Variants in PPP1R14C observed in about 807,000 individuals in gnomAD.
PPP1R14C encodes protein phosphatase 1 regulatory subunit 14C.
A neutral mutation model predicts 20.4 loss-of-function variants in PPP1R14C; 16 were observed. The ratio of observed to expected loss-of-function variants is 0.78; its 90% confidence interval spans 0.53 to 1.19. PPP1R14C has a LOEUF of 1.19. Ranked by LOEUF, PPP1R14C falls within the 50% of genes most tolerant of loss-of-function variation. The pLI, the probability that PPP1R14C is intolerant of heterozygous loss-of-function variation, is 0.00. For missense variants in PPP1R14C, 211 were observed against 220.1 expected (o/e 0.96, Z 0.26); for synonymous variants, 91 against 91.0 (o/e 1.00, Z 0.00).
At chr6:150,221,913 C>T (rs1462008661) in intron 3 of PPP1R14C, among the ~76,000 whole-genome samples, 3 of 152,174 alleles carry the variant, frequency 2.0e-5, no homozygotes, top group Non-Finnish European at 2.9e-5. Context: ...ATCCTCCTGC[C>T]TCAGCCCCCC....
At chr6:150,170,559 T>C (rs1777486602) in intron 1 of PPP1R14C, among the ~76,000 whole-genome samples, 2 of 152,116 alleles carry the variant, frequency 1.3e-5, no homozygotes, top group African/African-American at 4.8e-5. Flanking sequence ...CCTGACCTCG[T>C]GATCCGCCCG....
intron 1 of PPP1R14C, among the ~76,000 whole-genome samples, chr6:150,186,239 C>T (rs1409608304): frequency 6.6e-6 from 1 of 152,194 alleles, no homozygotes; most frequent in Non-Finnish European, 1.5e-5. Context: ...GCTTAGCAAA[C>T]AGGCGGTTCC....
chr6:150,174,176 T>C (rs1777531613), intron 1 of PPP1R14C, among the ~76,000 whole-genome samples: 1 of 152,182 alleles, frequency 6.6e-6, no homozygotes, highest in South Asian at 2.1e-4. Context: ...ATTTTCTAAA[T>C]TGTGAGAACA....
At chr6:150,197,963 G>T (rs112400650) in intron 1 of PPP1R14C, among the ~76,000 whole-genome samples, 12 of 77,002 alleles carry the variant, frequency 1.6e-4, no homozygotes, top group Middle Eastern at 9.6e-3. Flanking sequence ...GCCCCTGCCC[G>T]TCACGGTGGA....
intron 1 of PPP1R14C, among the ~76,000 whole-genome samples, chr6:150,173,648 A>G (rs1465959395): frequency 1.3e-5 from 2 of 152,118 alleles, no homozygotes; most frequent in Non-Finnish European, 2.9e-5. Context: ...TCTGTTTAAT[A>G]CCTGAGGATG....
At chr6:150,204,267 T>G (rs887043942) in intron 1 of PPP1R14C, among the ~76,000 whole-genome samples, 19 of 152,356 alleles carry the variant, frequency 1.2e-4, no homozygotes, top group African/African-American at 4.6e-4. Context: ...CCTGCCGACT[T>G]TCTCGTCACG....
chr6:150,143,545 CTG>C lies in PPP1R14C; in HGVS notation c.306+50_306+51del. 2.3e-6 allele frequency: 3 copies of C among 1,320,594 alleles called. No individual in the cohort carries two copies. The highest frequency in any genetic ancestry group is 3.1e-6 in the Non-Finnish European group (3 of 958,006). 81.8% of individuals were successfully genotyped at this position (1,320,594 alleles called of 1,614,324 possible). On this transcript the variant is annotated intron_variant, in intron 1 of 3. Transcript: ENST00000361131. This position sits in a 1 kb window ranked among gnomAD's most constrained non-coding sequence, Gnocchi z 5.6. ...AGGGTCGGGGACCTCTCTAGCTCCT[CTG>C]TGCCCGCGCAGTAATTTTCCCGGGC...
intron 3 of PPP1R14C, among the ~76,000 whole-genome samples, chr6:150,247,359 A>G (rs562024103): frequency 6.6e-6 from 1 of 152,218 alleles, no homozygotes; most frequent in Admixed American, 6.5e-5. Context: ...AAACAGGAAG[A>G]CCAGGTAGTT....
At chr6:150,216,221 C>T (rs1180341841) in intron 2 of PPP1R14C, among the ~76,000 whole-genome samples, 4 of 152,132 alleles carry the variant, frequency 2.6e-5, no homozygotes. Context: ...AGGGGCTGGG[C>T]ATGGTAGCTC....
chr6:150,248,941 CT>C lies in PPP1R14C; in HGVS notation c.*127del. The stretch of plus-strand genomic sequence containing the variant: ...ACAACGTTTTTGTTTTTTTTTTTTT[CT>C]TTTTTGGTGTGAAGGTGGGGGGGTC... On this transcript the variant is annotated 3_prime_UTR_variant, in exon 4 of 4. Transcript: ENST00000361131. 2.0e-6 allele frequency: 1 copy of C among 497,010 alleles called. No homozygotes were observed. Among genetic ancestry groups the C allele is most frequent in the Middle Eastern group, 3.7e-4 (1 of 2,668 alleles). The allele number at this position is 497,010 out of a possible 1,614,324, so 30.8% of individuals were successfully genotyped here.
rs1216752378 is a variant in PPP1R14C, at chr6:150,207,071, G to T, written c.307-7673G>T. Among the ~76,000 whole-genome samples the T allele has an allele frequency of 2.0e-5, 3 of 152,034 alleles. No individual in the cohort carries two copies. In the East Asian group the frequency reaches 5.8e-4, roughly 29 times the overall value. The stretch of plus-strand genomic sequence containing the variant: ...GTAGAGACAGGGTTTCAACACGTTG[G>T]TCAGGCTGTTCTTGAGCTCCAGACC... On this transcript the variant is annotated intron_variant, in intron 1 of 3. Transcript: ENST00000361131.
intron 1 of PPP1R14C, among the ~76,000 whole-genome samples, chr6:150,191,491 A>C (rs184227574): frequency 6.6e-6 from 1 of 152,324 alleles, no homozygotes; most frequent in East Asian, 1.9e-4. Flanking sequence ...CAAGTACATC[A>C]GATGTGTGTA....
At chr6:150,144,959 C>T (rs1017959167) in intron 1 of PPP1R14C, among the ~76,000 whole-genome samples, 8 of 151,968 alleles carry the variant, frequency 5.3e-5, no homozygotes, top group African/African-American at 7.2e-5. Flanking sequence ...TCAGTCCTGC[C>T]TCTGTAGAAT....
At chr6:150,240,878 C>T (rs1405789322) in intron 3 of PPP1R14C, among the ~76,000 whole-genome samples, 2 of 152,198 alleles carry the variant, frequency 1.3e-5, no homozygotes, top group Admixed American at 6.5e-5. Context: ...TGCTCCAGGT[C>T]CTTGGCACAG....
chr6:150,248,675 A>T, intron 3 of PPP1R14C, 71 bp from the exon 4 acceptor site: 1 of 1,039,668 alleles, frequency 9.6e-7, no homozygotes, highest in Non-Finnish European at 1.5e-6. Context: ...GACATCAATT[A>T]CTTTAAGCAG....
intron 1 of PPP1R14C, among the ~76,000 whole-genome samples, chr6:150,204,280 G>A (rs186384372): frequency 1.1e-3 from 163 of 152,304 alleles, no homozygotes; most frequent in African/African-American, 3.6e-3. Context: ...TCGTCACGGG[G>A]GCATTGTTAA....
chr6:150,175,856 T>C (rs1008674368), intron 1 of PPP1R14C, among the ~76,000 whole-genome samples: 1 of 152,238 alleles, frequency 6.6e-6, no homozygotes, highest in African/African-American at 2.4e-5. Context: ...AAATGCAGTT[T>C]GAACCACAAG....
intron 3 of PPP1R14C, among the ~76,000 whole-genome samples, chr6:150,229,178 A>G (rs1420816268): frequency 2.0e-5 from 3 of 152,242 alleles, no homozygotes; most frequent in Admixed American, 2.0e-4. Flanking sequence ...GATAGTTATA[A>G]TCAAAAGTCC....
chr6:150,166,372 G>A (rs1048687146), intron 1 of PPP1R14C, among the ~76,000 whole-genome samples: 2 of 152,096 alleles, frequency 1.3e-5, no homozygotes, highest in African/African-American at 2.4e-5. Context: ...GAGCCACCGC[G>A]CCCAGCCAAA....
Sources: gnomAD v4.1 joint callset for allele counts (sites outside exome capture counted in the v4.1 genomes callset) on GRCh38, gnomAD v4.1.1 for gene constraint, Gnocchi (gnomAD v3.1) non-coding constraint, MANE v1.5 for transcripts, NCBI Gene and HGNC (gene_info 2026-07-23, HGNC 2026-07-21) for gene names.